UBE2W: variants seen among roughly 807,000 people sequenced by gnomAD.
UBE2W encodes ubiquitin-conjugating enzyme E2 W.
Under a neutral mutation model 27.2 loss-of-function variants are expected in UBE2W, and 18 were observed. The ratio of observed to expected loss-of-function variants is 0.66; its 90% confidence interval spans 0.46 to 0.98. The LOEUF (loss-of-function observed/expected upper bound fraction) is 0.98, where lower values mean the gene tolerates loss of function less well. Among genes scored for constraint, UBE2W ranks in the 50% least tolerant of loss-of-function variants. UBE2W has a pLI of 0.00. For missense variants in UBE2W, 90 were observed against 180.2 expected (o/e 0.50, Z 2.87); for synonymous variants, 53 against 57.2 (o/e 0.93, Z 0.33).
intron 5 of UBE2W, among the ~76,000 whole-genome samples, chr8:73,800,311 T>A (rs1019026602): frequency 1.3e-5 from 2 of 152,200 alleles, no homozygotes; most frequent in African/African-American, 2.4e-5. Context: ...AACAAAGTTG[T>A]CCCTTAAAAG....
intron 1 of UBE2W, among the ~76,000 whole-genome samples, chr8:73,865,217 G>A (rs1222492531): frequency 1.5e-5 from 2 of 132,142 alleles, no homozygotes; most frequent in South Asian, 2.3e-4. Flanking sequence ...AGCACTGCGA[G>A]TATCAATTTT....
At chr8:73,819,762 T>C (rs112510327) in intron 3 of UBE2W, among the ~76,000 whole-genome samples, 1 of 152,174 alleles carries the variant, frequency 6.6e-6, no homozygotes, top group African/African-American at 2.4e-5. Context: ...TTTTTCATTA[T>C]AAGGCAGGAC....
downstream of UBE2W, among the ~76,000 whole-genome samples, chr8:73,782,522 G>A (rs557202451): frequency 1.1e-4 from 17 of 151,750 alleles, no homozygotes; most frequent in African/African-American, 3.9e-4. Context: ...ATGCTTTTTG[G>A]CCTGGCTATA....
intron 5 of UBE2W, among the ~76,000 whole-genome samples, chr8:73,800,819 C>T (rs1047447689): frequency 6.6e-6 from 1 of 152,106 alleles, no homozygotes; most frequent in East Asian, 1.9e-4. Flanking sequence ...ATTGGCTGGG[C>T]GCAGTGGCTC....
chr8:73,799,561 A>G (rs554529061), intron 5 of UBE2W, among the ~76,000 whole-genome samples: 69 of 152,320 alleles, frequency 4.5e-4, no homozygotes, highest in African/African-American at 1.4e-3. Context: ...TCCATCCTGC[A>G]TCCAGCATCC....
chr8:73,819,335 G>C (rs1382381019), intron 3 of UBE2W, among the ~76,000 whole-genome samples: 1 of 152,068 alleles, frequency 6.6e-6, no homozygotes, highest in Non-Finnish European at 1.5e-5. Context: ...TTGCAGTTTT[G>C]GTCATCATTG....
chr8:73,840,904 G>C (rs1054948013), intron 1 of UBE2W, among the ~76,000 whole-genome samples: 5 of 152,084 alleles, frequency 3.3e-5, no homozygotes, highest in Non-Finnish European at 7.3e-5. Context: ...GAGGTATAGA[G>C]GTCTCACATT....
At chr8:73,850,564 A>G (rs1055440820) in intron 1 of UBE2W, among the ~76,000 whole-genome samples, 1 of 152,144 alleles carries the variant, frequency 6.6e-6, no homozygotes, top group Non-Finnish European at 1.5e-5. Flanking sequence ...TAAAAGTCAG[A>G]AAGAATTACT....
At chr8:73,816,769 A>G (rs1809403586) in intron 3 of UBE2W, among the ~76,000 whole-genome samples, 1 of 152,248 alleles carries the variant, frequency 6.6e-6, no homozygotes, top group Admixed American at 6.5e-5. Context: ...ACGGAGGCTC[A>G]AGCCTGTAAT....
chr8:73,827,809 C>T lies in UBE2W; in HGVS notation c.108-2560G>A, dbSNP rs538218975. 1.6e-4 allele frequency among the ~76,000 whole-genome samples: 25 copies of T among 151,822 alleles called. No individual in the cohort carries two copies. The East Asian group carries it at 4.3e-3, about 26-fold the overall frequency. ...CCTGCCCCGCCTCAGCCTCTCAAAGCATTGAGATTACAGGCATGAGCCACC... is the reference window on the plus strand; with the variant it reads ...CCTGCCCCGCCTCAGCCTCTCAAAGTATTGAGATTACAGGCATGAGCCACC... On this transcript the variant is annotated intron_variant, in intron 2 of 5. Coordinates refer to ENST00000602593, the MANE Select transcript of UBE2W (RefSeq NM_018299.6).
At position 73,825,205 on chromosome 8, in the gene UBE2W, C is replaced by T; in HGVS notation, c.152G>A (p.Gly51Glu). 1.3e-6 allele frequency: 2 copies of T among 1,563,780 alleles called. No homozygotes were observed. The highest frequency in any genetic ancestry group is 1.7e-6 in the Non-Finnish European group (2 of 1,152,630). The stretch of plus-strand genomic sequence containing the variant: ...TTTAAATAGAAGTTGAAATTTTTCC[C>T]CTTCATATAAGGTACCTGGTGCACC... ...MEGAPGTLYEGEKFQLLFKFS... is the reference protein window; with the variant it reads ...MEGAPGTLYEEEKFQLLFKFS... Residue 51 changes from glycine to glutamate, a missense_variant, in exon 3 of 6, where the codon GGG becomes GAG. Physicochemically the swap from Gly to Glu is moderately conservative, Grantham distance 98 (BLOSUM62 -2). Coordinates refer to ENST00000602593, the MANE Select transcript of UBE2W (RefSeq NM_018299.6).
At chr8:73,853,499 G>A (rs188046892) in intron 1 of UBE2W, among the ~76,000 whole-genome samples, 18 of 152,184 alleles carry the variant, frequency 1.2e-4, no homozygotes, top group South Asian at 4.2e-4. Flanking sequence ...GGCCTTAAGC[G>A]ATCCTCCTGC....
chr8:73,823,016 T>A (rs2130895762), intron 3 of UBE2W, among the ~76,000 whole-genome samples: 1 of 152,292 alleles, frequency 6.6e-6, no homozygotes, highest in South Asian at 2.1e-4. Context: ...GGTACTCAAG[T>A]ATTTCAACAA....
At chr8:73,820,463 C>T (rs1809561643) in intron 3 of UBE2W, among the ~76,000 whole-genome samples, 1 of 151,878 alleles carries the variant, frequency 6.6e-6, no homozygotes, top group Non-Finnish European at 1.5e-5. Flanking sequence ...AAAAGGAATC[C>T]TCACTGGGCG....
downstream of UBE2W, among the ~76,000 whole-genome samples, chr8:73,784,539 C>T (rs1807900737): frequency 6.6e-6 from 1 of 152,092 alleles, no homozygotes; most frequent in Non-Finnish European, 1.5e-5. Context: ...AATGTGATAA[C>T]TTTATGTCCT....
intron 1 of UBE2W, among the ~76,000 whole-genome samples, chr8:73,837,775 T>C (rs926465154): frequency 1.3e-5 from 2 of 152,238 alleles, no homozygotes; most frequent in Non-Finnish European, 2.9e-5. Flanking sequence ...CTTATCTTGG[T>C]ATTTAACACC....
At chr8:73,833,091 A>G (rs1810149265) in intron 1 of UBE2W, among the ~76,000 whole-genome samples, 1 of 151,332 alleles carries the variant, frequency 6.6e-6, no homozygotes, top group South Asian at 2.1e-4. Flanking sequence ...AGGCAGAGGC[A>G]GAAGAATCGC....
intron 2 of UBE2W, among the ~76,000 whole-genome samples, chr8:73,825,501 A>G (rs946692222): frequency 1.3e-5 from 2 of 152,190 alleles, no homozygotes; most frequent in Non-Finnish European, 2.9e-5. Context: ...GGTCTAAAAA[A>G]GCAAACTAAA....
rs1218901094 is a variant in UBE2W at position 73,793,186 on chromosome 8, G to C, written c.*916C>G. On this transcript the variant is annotated 3_prime_UTR_variant, in exon 6 of 6. Coordinates refer to ENST00000602593, the MANE Select transcript of UBE2W (RefSeq NM_018299.6). ...TAAATGAAATAGTGTTTAGGCAGTA[G>C]GGCTCATGCTGATGGCTAGCAGGAA... 1.0e-6 allele frequency: 1 copy of C among 985,702 alleles called. No homozygotes were observed. The highest frequency in any genetic ancestry group is 6.1e-5 in the Admixed American group (1 of 16,262). 61.1% of individuals were successfully genotyped at this position (985,702 alleles called of 1,614,324 possible).
Sources: allele counts gnomAD v4.1 joint callset (sites outside exome capture counted in the v4.1 genomes callset), GRCh38; gene constraint gnomAD v4.1.1; transcripts MANE v1.5; gene names NCBI Gene and HGNC (gene_info 2026-07-23, HGNC 2026-07-21).